The following ADRA1D variants were observed in gnomAD, a reference collection of about 807,000 sequenced individuals.
The protein encoded by ADRA1D is alpha-1D adrenergic receptor.
Under a neutral mutation model 18.6 loss-of-function variants are expected in ADRA1D, and 22 were observed. The observed-to-expected ratio is 1.19, with a 90% confidence interval of 0.85 to 1.69. The LOEUF (loss-of-function observed/expected upper bound fraction) is 1.69, where lower values mean the gene tolerates loss of function less well. Ranked by LOEUF, ADRA1D falls within the 40% of genes most tolerant of loss-of-function variation. The probability of loss-of-function intolerance (pLI) is 0.00; values close to 1 mark genes in which losing one functional copy is unlikely to be tolerated. For synonymous variants in ADRA1D, 376 were observed against 388.2 expected (o/e 0.97, Z 0.37); for missense variants, 840 against 840.7 (o/e 1.00, Z 0.01).
chr20:4,223,479 G>C (rs564099519), intron 1 of ADRA1D, among the ~76,000 whole-genome samples: 80 of 152,202 alleles, frequency 5.3e-4, no homozygotes, highest in South Asian at 1.2e-3. Context: ...TGCTGTGCTG[G>C]GCTCACACAC....
Position 4,221,738 on chromosome 20 carries a change from G to A in ADRA1D, c.1504C>T (p.Pro502Ser). The change falls in exon 2 of 2, where the codon CCG (proline) becomes TCG (serine). Residue 502 changes from proline (P) to serine (S), a missense_variant. Physicochemically the swap from Pro to Ser is moderately conservative, Grantham distance 74. Coordinates refer to ENST00000379453, the MANE Select transcript of ADRA1D (RefSeq NM_000678.4). Reference sequence around the variant, plus strand: ...AGCTGGGTCGTGGGTCTCCGGAACGGCCCCAGCAGCCTCCACTCGCGGAAG... The same window carrying A: ...AGCTGGGTCGTGGGTCTCCGGAACGACCCCAGCAGCCTCCACTCGCGGAAG... Reference protein sequence around the residue: ...SAFREWRLLGPFRRPTTQLRA... With the variant: ...SAFREWRLLGSFRRPTTQLRA... The A allele has an allele frequency of 6.2e-7, 1 of 1,603,436 alleles. No homozygotes were observed. The highest frequency in any genetic ancestry group is 8.5e-7 in the Non-Finnish European group (1 of 1,177,312).
rs544072657 is a variant in ADRA1D, at chr20:4,247,305, G to A, written c.1111+542C>T. ...CTTTCCAAGAGGGGATCTCAGAAATGAGAACTCGGGGCACTCAGAAACACC... is the reference window on the plus strand; with the variant it reads ...CTTTCCAAGAGGGGATCTCAGAAATAAGAACTCGGGGCACTCAGAAACACC... On this transcript the variant is annotated intron_variant, in intron 1 of 1. Transcript: ENST00000379453. Among the ~76,000 whole-genome samples, 13 of 152,346 alleles carry A rather than the reference G, an allele frequency of 8.5e-5. No individual in the cohort carries two copies. The South Asian group carries it at 2.5e-3, about 29-fold the overall frequency.
chr20:4,245,243 G>A (rs1046033023), intron 1 of ADRA1D, among the ~76,000 whole-genome samples: 2 of 152,204 alleles, frequency 1.3e-5, no homozygotes, highest in Non-Finnish European at 2.9e-5. Flanking sequence ...AAATGGCCCA[G>A]CATGGATAAA....
chr20:4,224,294 GA>G (rs1980740955), intron 1 of ADRA1D, among the ~76,000 whole-genome samples: 1 of 152,148 alleles, frequency 6.6e-6, no homozygotes. Context: ...AAGTGGTCAG[GA>G]AAGGCTTCTG....
At chr20:4,223,501 T>C (rs1051717714) in intron 1 of ADRA1D, among the ~76,000 whole-genome samples, 2 of 152,098 alleles carry the variant, frequency 1.3e-5, no homozygotes, top group African/African-American at 4.8e-5. Context: ...CGAGGAGGCA[T>C]TACACATGGC....
chr20:4,225,082 A>G (rs1404361250), intron 1 of ADRA1D, among the ~76,000 whole-genome samples: 20 of 148,882 alleles, frequency 1.3e-4, no homozygotes, highest in Admixed American at 1.2e-3. Context: ...GCTCACTGCA[A>G]CCTCTTCCTC....
chr20:4,238,953 G>A (rs949123716), intron 1 of ADRA1D, among the ~76,000 whole-genome samples: 2 of 152,042 alleles, frequency 1.3e-5, no homozygotes, highest in African/African-American at 4.8e-5. Flanking sequence ...GACAAGGTGA[G>A]GGCAGGGAGG....
rs1193174353 is a variant in ADRA1D at position 4,248,700 on chromosome 20, G to A, written c.258C>T (p.Ala86=). The A allele has an allele frequency of 1.9e-6, 3 of 1,574,266 alleles. No homozygotes were observed. Among genetic ancestry groups the A allele is most frequent in the Admixed American group, 1.9e-5 (1 of 53,728 alleles). The change falls in exon 1 of 2, where the codon GCC becomes GCT. Residue 86 remains alanine, a synonymous_variant. Coordinates refer to ENST00000379453, the MANE Select transcript of ADRA1D (RefSeq NM_000678.4). The part of the protein sequence containing the change: ...GAGGDVNGTA[A]VGGLVVSAQG... ...GCGCGCTCACCACCAGTCCCCCGAC[G>A]GCCGCCGTGCCATTCACGTCGCCGC...
chr20:4,248,792 C>A lies in ADRA1D; in HGVS notation c.166G>T (p.Val56Leu). ...VPGGAGGGGG[V>L]VGAGSGEDNR... ...TCCTCGCCGCTGCCTGCGCCCACCA[C>A]GCCGCCGCCGCCGCCCGCGCCCCCC... is the stretch of plus-strand genomic sequence containing the variant. Residue 56 changes from valine (V) to leucine (L), a missense_variant, in exon 1 of 2, where the codon GTG becomes TTG. Physicochemically the swap from Val to Leu is conservative, Grantham distance 32. Coordinates refer to ENST00000379453, the MANE Select transcript of ADRA1D (RefSeq NM_000678.4). The A allele has an allele frequency of 8.6e-7, 1 of 1,156,996 alleles. No homozygotes were observed. Among genetic ancestry groups the A allele is most frequent in the South Asian group, 4.2e-5 (1 of 23,732 alleles). The allele number at this position is 1,156,996 out of a possible 1,614,324, so 71.7% of individuals were successfully genotyped here. A position where few individuals can be genotyped will look rare whatever the true frequency, so the allele number is the denominator to read the frequency against.
At chr20:4,229,271 C>A (rs1438244470) in intron 1 of ADRA1D, among the ~76,000 whole-genome samples, 1 of 152,156 alleles carries the variant, frequency 6.6e-6, no homozygotes, top group African/African-American at 2.4e-5. Flanking sequence ...GACATCTCCA[C>A]TTGGGAGTCT....
chr20:4,231,038 T>TTTTC (rs3030143), intron 1 of ADRA1D, among the ~76,000 whole-genome samples: 4,864 of 108,606 alleles, frequency 0.045, 226 homozygotes, highest in Non-Finnish European at 0.069. Flanking sequence ...CTTTCTTTCT[T>TTTTC]TTTCTTTCTT....
At chr20:4,246,394 C>T (rs1182316445) in intron 1 of ADRA1D, among the ~76,000 whole-genome samples, 3 of 152,186 alleles carry the variant, frequency 2.0e-5, no homozygotes, top group African/African-American at 7.2e-5. Flanking sequence ...AACATTTAAG[C>T]CAAGACCTAA....
chr20:4,233,221 G>A (rs577764001), intron 1 of ADRA1D, among the ~76,000 whole-genome samples: 11 of 152,134 alleles, frequency 7.2e-5, no homozygotes, highest in Non-Finnish European at 1.6e-4. Flanking sequence ...AGCACTTTGG[G>A]AAGCCGAAGT....
intron 1 of ADRA1D, among the ~76,000 whole-genome samples, chr20:4,242,471 G>A (rs915832574): frequency 6.6e-6 from 1 of 152,190 alleles, no homozygotes; most frequent in Non-Finnish European, 1.5e-5. Flanking sequence ...AATATTGACA[G>A]TTACAGTGCA....
chr20:4,222,063 G>A lies in ADRA1D; in HGVS notation c.1179C>T (p.Phe393=), dbSNP rs750578377. ...VFKVIFWLGY[F]NSCVNPLIYP... ...AGATGAGCGGGTTCACGCAGCTGTT[G>A]AAGTAGCCGAGCCAGAAGATGACCT... Residue 393 remains phenylalanine, a synonymous_variant, in exon 2 of 2, where the codon TTC becomes TTT. Coordinates refer to ENST00000379453, the MANE Select transcript of ADRA1D (RefSeq NM_000678.4). This position sits in a 1 kb window ranked among gnomAD's most constrained non-coding sequence, Gnocchi z 4.3. The A allele has an allele frequency of 6.2e-7, 1 of 1,612,772 alleles. No individual in the cohort carries two copies. Among genetic ancestry groups the A allele is most frequent in the Admixed American group, 1.7e-5 (1 of 59,954 alleles).
chr20:4,241,642 G>A (rs756646391), intron 1 of ADRA1D, among the ~76,000 whole-genome samples: 15 of 152,192 alleles, frequency 9.9e-5, no homozygotes, highest in Non-Finnish European at 1.0e-4. Flanking sequence ...CTTTTGGGCC[G>A]GGAGACAATG....
chr20:4,233,539 T>C (rs994213668), intron 1 of ADRA1D, among the ~76,000 whole-genome samples: 1 of 151,914 alleles, frequency 6.6e-6, no homozygotes, highest in African/African-American at 2.4e-5. Flanking sequence ...CCTAGCACCA[T>C]GAGATCTGTT....
Position 4,221,505 on chromosome 20 carries a change from G to GC in ADRA1D, c.*17_*18insG. The GC allele has an allele frequency of 6.3e-7, 1 of 1,590,204 alleles. No individual in the cohort carries two copies. The highest frequency in any genetic ancestry group is 1.1e-5 in the South Asian group (1 of 89,450). The stretch of plus-strand genomic sequence containing the variant: ...TACCCCCAAGCCCAGCACACTCCGC[G>GC]GCCTAGCTCTGGGGTCCTTAAATAT... On this transcript the variant is annotated 3_prime_UTR_variant, in exon 2 of 2. Coordinates refer to ENST00000379453, the MANE Select transcript of ADRA1D (RefSeq NM_000678.4).
At chr20:4,227,680 TTCCCTCTCTCCCTCCCTCCC>T (rs1980834931) in intron 1 of ADRA1D, among the ~76,000 whole-genome samples, 3 of 94,594 alleles carry the variant, frequency 3.2e-5, no homozygotes, top group Non-Finnish European at 7.0e-5. Context: ...CCTTCCTTCC[TTCCCTCTCTCCCTCCCTCCC>T]TCCCTCCTTC....
Sources: gnomAD v4.1 joint callset for allele counts (sites outside exome capture counted in the v4.1 genomes callset) on GRCh38, gnomAD v4.1.1 for gene constraint, Gnocchi (gnomAD v3.1) non-coding constraint, MANE v1.5 for transcripts, NCBI Gene and HGNC (gene_info 2026-07-23, HGNC 2026-07-21) for gene names.